Variants in DPP6 observed in about 807,000 individuals in gnomAD.
The protein encoded by DPP6 is dipeptidyl peptidase like 6.
DPP6 carries 69 observed loss-of-function variants against 122.6 expected under a neutral mutation model. The ratio of observed to expected loss-of-function variants is 0.56; its 90% CI spans 0.46 to 0.69. DPP6 has a LOEUF of 0.69. DPP6 is among the 30% of genes least tolerant of loss of function. The pLI is 0.00. For missense variants in DPP6, 928 were observed against 1,116.9 expected, an observed-to-expected ratio of 0.83 and a Z score of 2.41; for synonymous variants, 418 against 433.1, an observed-to-expected ratio of 0.97 and a Z score of 0.43.
At position 154,749,589 on chromosome 7, in the gene DPP6, G is replaced by A. The variant is rs193089931; in HGVS notation, c.884-19828G>A. ...AGAGATGGTCAGGGAGCATAGGACG[G>A]GAGAGAGAGGGATGGAGGCTTTACT... On this transcript the variant is annotated intron_variant, in intron 8 of 25. Transcript: ENST00000377770. 5.0e-3 allele frequency among the ~76,000 whole-genome samples: 629 copies of A among 125,422 alleles called. 2 individuals carry two copies. Among genetic ancestry groups the A allele is most frequent in the Middle Eastern group, 8.3e-3 (2 of 242 alleles). The allele number at this position is 125,422 out of a possible 152,430, so 82.3% of individuals were successfully genotyped here.
At chr7:154,788,213 G>A (rs541296759) in intron 10 of DPP6, among the ~76,000 whole-genome samples, 5 of 152,172 alleles carry the variant, frequency 3.3e-5, no homozygotes, top group Admixed American at 2.0e-4. Flanking sequence ...GGAGGCTGAG[G>A]CTGGCGGATC....
intron 5 of DPP6, among the ~76,000 whole-genome samples, chr7:154,617,041 G>C (rs1390206300): frequency 6.6e-6 from 1 of 152,174 alleles, no homozygotes; most frequent in Non-Finnish European, 1.5e-5. Context: ...TATTTGTTCA[G>C]TTTCTGCTCC....
At chr7:154,592,654 G>T (rs1055793972) in intron 5 of DPP6, among the ~76,000 whole-genome samples, 1 of 152,146 alleles carries the variant, frequency 6.6e-6, no homozygotes, top group Non-Finnish European at 1.5e-5. Flanking sequence ...CATGGAAGCA[G>T]TGGCCCAGCA....
At chr7:154,818,605 T>C (rs764772262) in intron 16 of DPP6, among the ~76,000 whole-genome samples, 24 of 152,204 alleles carry the variant, frequency 1.6e-4, no homozygotes, top group Non-Finnish European at 3.1e-4. Flanking sequence ...AACAGCAAAT[T>C]TGAAAACAAA....
intron 15 of DPP6, 138 bp from the exon 16 acceptor site, chr7:154,806,856 C>A: frequency 1.7e-6 from 2 of 1,152,074 alleles, no homozygotes; most frequent in Non-Finnish European, 2.3e-6. Flanking sequence ...AGCAGGGAGA[C>A]AGAGGGAGAG....
intron 1 of DPP6, among the ~76,000 whole-genome samples, chr7:154,061,426 A>G (rs1307119242): frequency 2.0e-5 from 3 of 146,548 alleles, no homozygotes; most frequent in African/African-American, 7.5e-5. Flanking sequence ...CCGGTAGCCT[A>G]CATCTCTAAA....
intron 1 of DPP6, among the ~76,000 whole-genome samples, chr7:154,248,260 T>C (rs1220508888): frequency 6.6e-6 from 1 of 152,284 alleles, no homozygotes; most frequent in South Asian, 2.1e-4. Context: ...GCACAAACTT[T>C]CAGACCATTA....
chr7:154,642,449 G>A (rs1463198493), intron 6 of DPP6, among the ~76,000 whole-genome samples: 14 of 151,928 alleles, frequency 9.2e-5, no homozygotes, highest in Non-Finnish European at 2.9e-5. Flanking sequence ...AATTAGCTGG[G>A]CATGGTGGCG....
chr7:154,520,233 T>C (rs986102960), intron 3 of DPP6, among the ~76,000 whole-genome samples: 8 of 152,254 alleles, frequency 5.3e-5, no homozygotes, highest in Non-Finnish European at 7.3e-5. Context: ...TTTCCACATA[T>C]AAGTCCAGAG....
intron 1 of DPP6, among the ~76,000 whole-genome samples, chr7:154,286,700 G>A (rs924928042): frequency 3.9e-5 from 6 of 152,040 alleles, no homozygotes; most frequent in African/African-American, 1.4e-4. Flanking sequence ...TCTCCATAGT[G>A]TTGAGGGAGC....
chr7:154,541,562 G>A (rs187757341), intron 4 of DPP6, among the ~76,000 whole-genome samples: 1 of 152,272 alleles, frequency 6.6e-6, no homozygotes, highest in East Asian at 1.9e-4. Context: ...TTTACAAAAT[G>A]TTCAGACTCT....
chr7:154,788,153 A>T (rs550888382), intron 10 of DPP6, among the ~76,000 whole-genome samples: 2 of 152,126 alleles, frequency 1.3e-5, no homozygotes, highest in South Asian at 4.1e-4. Context: ...ATATTCAAGT[A>T]AAAGATAAGG....
intron 1 of DPP6, among the ~76,000 whole-genome samples, chr7:154,171,515 G>T (rs2150729326): frequency 6.6e-6 from 1 of 152,294 alleles, no homozygotes; most frequent in Non-Finnish European, 1.5e-5. Flanking sequence ...TGCTGGGTGG[G>T]TAGGGGGCTA....
intron 1 of DPP6, among the ~76,000 whole-genome samples, chr7:153,941,266 G>A (rs1170073035): frequency 2.0e-5 from 3 of 152,170 alleles, no homozygotes; most frequent in Non-Finnish European, 4.4e-5. Flanking sequence ...GACAGCCTCG[G>A]GGTGCTAGAG....
At chr7:154,087,042 G>C (rs1490480410) in intron 1 of DPP6, among the ~76,000 whole-genome samples, 1 of 152,140 alleles carries the variant, frequency 6.6e-6, no homozygotes, top group African/African-American at 2.4e-5. Flanking sequence ...AGAATGAGGT[G>C]CAGGGTGATG....
At chr7:154,043,316 C>T (rs1394032652) in intron 1 of DPP6, among the ~76,000 whole-genome samples, 4 of 138,384 alleles carry the variant, frequency 2.9e-5, no homozygotes, top group Non-Finnish European at 6.1e-5. Flanking sequence ...TCACTTGAAC[C>T]GGGCAGGTGG....
At chr7:154,649,985 C>A (rs545824186) in intron 6 of DPP6, among the ~76,000 whole-genome samples, 1 of 152,202 alleles carries the variant, frequency 6.6e-6, no homozygotes, top group Non-Finnish European at 1.5e-5. Flanking sequence ...AACTGCCCCT[C>A]TTGGTAGTCC....
intron 1 of DPP6, among the ~76,000 whole-genome samples, chr7:154,156,483 G>A (rs896290709): frequency 6.6e-6 from 1 of 152,214 alleles, no homozygotes. Context: ...TGAGACTAGA[G>A]GGACCATTAA....
At chr7:154,684,080 A>G (rs118028679) in intron 7 of DPP6, among the ~76,000 whole-genome samples, 6,159 of 152,110 alleles carry the variant, frequency 0.04, 193 homozygotes, top group Non-Finnish European at 0.053. Context: ...GTGTTGCCCA[A>G]GCTGGTCTGG....
Sources: allele counts gnomAD v4.1 joint callset (sites outside exome capture counted in the v4.1 genomes callset), GRCh38; gene constraint gnomAD v4.1.1; transcripts MANE v1.5; gene names NCBI Gene and HGNC (gene_info 2026-07-23, HGNC 2026-07-21).